The following HOMER2 variants were observed in gnomAD, a reference collection of about 807,000 sequenced individuals.
HOMER2 encodes homer protein homolog 2.
Under a neutral mutation model 47.0 loss-of-function variants are expected in HOMER2, and 27 were observed. That is an observed-to-expected ratio of 0.57 (90% CI 0.42 to 0.79). The LOEUF is 0.79. Among genes scored for constraint, HOMER2 ranks in the 30% least tolerant of loss-of-function variants. The pLI is 0.00. For missense variants in HOMER2, 443 were observed against 435.0 expected (o/e 1.02, Z -0.16); for synonymous variants, 161 against 163.8 (o/e 0.98, Z 0.13).
chr15:82,980,688 T>G (rs2030362048), intron 1 of HOMER2, among the ~76,000 whole-genome samples: 1 of 152,092 alleles, frequency 6.6e-6, no homozygotes, highest in South Asian at 2.1e-4. Flanking sequence ...CATGAGAAAC[T>G]TGGAAACAAA....
chr15:82,840,887 C>G (rs2051170016), exon 2 of HOMER2: 1 of 150,940 alleles, frequency 6.6e-6, no homozygotes, highest in Admixed American at 6.7e-5. Flanking sequence ...ATAAAAACTT[C>G]AAAGAGCAAA....
chr15:82,976,699 GAC>G (rs1341910290), intron 1 of HOMER2, among the ~76,000 whole-genome samples: 1 of 99,774 alleles, frequency 1.0e-5, no homozygotes, highest in African/African-American at 4.0e-5. Context: ...TTTTTTTTGA[GAC>G]AGAGTTTTGC....
intron 1 of HOMER2, among the ~76,000 whole-genome samples, chr15:82,974,847 A>C (rs2030147545): frequency 6.6e-6 from 1 of 152,228 alleles, no homozygotes; most frequent in Admixed American, 6.5e-5. Flanking sequence ...AGGCAGGTGG[A>C]TCGCCTGAGG....
At chr15:82,962,068 C>A (rs1328395008) in intron 1 of HOMER2, among the ~76,000 whole-genome samples, 2 of 151,714 alleles carry the variant, frequency 1.3e-5, no homozygotes, top group Non-Finnish European at 2.9e-5. Context: ...CCAGCCCACA[C>A]AAACTTTTAA....
chr15:82,919,752 T>A (rs2053680328), intron 1 of HOMER2, among the ~76,000 whole-genome samples: 1 of 152,222 alleles, frequency 6.6e-6, no homozygotes, highest in African/African-American at 2.4e-5. Flanking sequence ...GTTCTTTCTG[T>A]ACAGTTCCAA....
chr15:82,942,746 C>T (rs996214180), intron 1 of HOMER2, among the ~76,000 whole-genome samples: 1 of 152,194 alleles, frequency 6.6e-6, no homozygotes, highest in Admixed American at 6.5e-5. Context: ...GTTGGCAGAC[C>T]GGTTTTCTTG....
chr15:82,881,500 T>C (rs190380465), intron 2 of HOMER2, among the ~76,000 whole-genome samples: 32 of 152,294 alleles, frequency 2.1e-4, no homozygotes, highest in African/African-American at 7.7e-4. Flanking sequence ...AGGTGCTTTT[T>C]AAAAATTTAA....
chr15:82,964,295 T>C (rs573826034), intron 1 of HOMER2, among the ~76,000 whole-genome samples: 13 of 152,316 alleles, frequency 8.5e-5, no homozygotes, highest in African/African-American at 2.6e-4. Context: ...TATGGCACAA[T>C]TGTATCATCA....
chr15:82,861,879 G>A (rs1017150019), intron 4 of HOMER2, among the ~76,000 whole-genome samples: 5 of 151,946 alleles, frequency 3.3e-5, no homozygotes, highest in South Asian at 4.2e-4. Context: ...GTGTGGTGGC[G>A]CATGCTTGTA....
intron 1 of HOMER2, among the ~76,000 whole-genome samples, chr15:82,963,198 C>A (rs772202795): frequency 1.3e-5 from 2 of 152,176 alleles, no homozygotes; most frequent in African/African-American, 4.8e-5. Context: ...AATCCTCCTG[C>A]CTTAGCCTCC....
chr15:82,859,109 A>G lies in HOMER2; in HGVS notation c.414T>C (p.Asp138=). Residue 138 remains aspartate, a synonymous_variant, in exon 5 of 9, where the codon GAT becomes GAC. Coordinates refer to ENST00000450735, the MANE Select transcript of HOMER2 (RefSeq NM_004839.4). ...CTGGACCGGCGTGAGAGGCCTTTTC[A>G]TCGTCCGTCCCGTTGACACTGGATG... is the stretch of plus-strand genomic sequence containing the variant. The part of the protein sequence containing the change: ...SQASSVNGTD[D]EKASHAGPAN... The G allele has an allele frequency of 6.2e-7, 1 of 1,613,968 alleles. No homozygotes were observed. The highest frequency in any genetic ancestry group is 8.5e-7 in the Non-Finnish European group (1 of 1,179,876).
At chr15:82,836,207 A>G (rs555586808), downstream of HOMER2, 11 of 152,300 alleles carry the variant, frequency 7.2e-5, no homozygotes, top group African/African-American at 2.6e-4. Context: ...CTTGAAGTCA[A>G]TCCAGACTTT....
chr15:82,972,508 C>G (rs1450178472), intron 1 of HOMER2, among the ~76,000 whole-genome samples: 1 of 152,122 alleles, frequency 6.6e-6, no homozygotes, highest in Non-Finnish European at 1.5e-5. Flanking sequence ...GCCACCACAC[C>G]TGGCTAATAT....
intron 8 of HOMER2, among the ~76,000 whole-genome samples, chr15:82,850,432 C>A (rs1020244330): frequency 1.3e-5 from 2 of 152,252 alleles, no homozygotes; most frequent in African/African-American, 4.8e-5. Flanking sequence ...CCCTCTGATG[C>A]TGTTACCATG....
intron 3 of HOMER2, among the ~76,000 whole-genome samples, chr15:82,868,295 T>C (rs1033518933): frequency 1.3e-5 from 2 of 151,042 alleles, no homozygotes; most frequent in Middle Eastern, 3.4e-3. Context: ...GTTTACTCTT[T>C]TGATAGTCTC....
Position 82,892,687 on chromosome 15 carries a change from T to C in HOMER2, c.160A>G (p.Lys54Glu). 1 of 1,540,230 alleles carries C rather than the reference T, an allele frequency of 6.5e-7. No individual in the cohort carries two copies. The highest frequency in any genetic ancestry group is 1.8e-5 in the Admixed American group (1 of 56,488). Residue 54 changes from lysine to glutamate, a missense_variant and splice_region_variant, in exon 2 of 9, where the codon AAG becomes GAG. By Grantham distance (56) the Lys-to-Glu change is moderately conservative. Transcript: ENST00000450735. ...AAAATCAGCTGAGGGGGTGGTACCT[T>C]GGCTCCGTCCACACTGATGATCCGA... ...SYRIISVDGA[K>E]VIINSTITPN...
At chr15:82,952,762 C>T, upstream of HOMER2, 3 of 929,768 alleles carry the variant, frequency 3.2e-6, no homozygotes, top group Non-Finnish European at 3.8e-6. Flanking sequence ...GCGGTGCCCG[C>T]CCCGCCCTCC....
intron 2 of HOMER2, among the ~76,000 whole-genome samples, chr15:82,891,694 T>C (rs566516697): frequency 6.6e-6 from 1 of 152,266 alleles, no homozygotes; most frequent in East Asian, 1.9e-4. Flanking sequence ...AGGTAGGAGA[T>C]GAGGCAGCTA....
intron 1 of HOMER2, among the ~76,000 whole-genome samples, chr15:82,983,111 A>G (rs540898628): frequency 2.0e-5 from 3 of 152,326 alleles, no homozygotes; most frequent in Admixed American, 2.0e-4. Context: ...GAACACTTAC[A>G]TTAGCCTATA....
Sources: gnomAD v4.1 joint callset for allele counts (sites outside exome capture counted in the v4.1 genomes callset) on GRCh38, gnomAD v4.1.1 for gene constraint, MANE v1.5 for transcripts, NCBI Gene and HGNC (gene_info 2026-07-23, HGNC 2026-07-21) for gene names.